ADGRL3: variants seen among roughly 807,000 people sequenced by gnomAD.
ADGRL3 encodes adhesion G protein-coupled receptor L3.
Under a neutral mutation model 153.5 loss-of-function variants are expected in ADGRL3, and 62 were observed. That is an observed-to-expected ratio of 0.40 (90% CI 0.33 to 0.50). The LOEUF is 0.50. Among genes scored for constraint, ADGRL3 ranks in the 20% least tolerant of loss-of-function variants. The pLI, the probability that ADGRL3 is intolerant of heterozygous loss-of-function variation, is 0.47. For missense variants in ADGRL3, 1,641 were observed against 1,859.4 expected (o/e 0.88, Z 2.16); for synonymous variants, 710 against 672.5 (o/e 1.06, Z -0.86).
intron 9 of ADGRL3, among the ~76,000 whole-genome samples, chr4:61,839,461 G>A (rs145758518): frequency 1.6e-3 from 245 of 152,132 alleles, no homozygotes; most frequent in African/African-American, 5.5e-3. Flanking sequence ...CTCCCAAAGT[G>A]CTAGAATTTC....
intron 1 of ADGRL3, among the ~76,000 whole-genome samples, chr4:61,260,095 A>G (rs1464235552): frequency 6.6e-6 from 1 of 152,200 alleles, no homozygotes; most frequent in Non-Finnish European, 1.5e-5. Context: ...AATACCATTC[A>G]AGGTCAGAGT....
Position 61,372,763 on chromosome 4 carries a change from C to T in ADGRL3, c.-239-10361C>T, listed in dbSNP as rs10029515. Among the ~76,000 whole-genome samples the T allele has an allele frequency of 3.3e-3, 499 of 150,926 alleles. 5 individuals carry two copies. The highest frequency in any genetic ancestry group is 0.011 in the African/African-American group (442 of 41,164). ...GAGCTGTGGTGGGCTCCACCCAGTT[C>T]GAGCTTCCCGGCTGCTTTGTTTACC... On this transcript the variant is annotated intron_variant, in intron 1 of 26. Transcript: ENST00000683033.
chr4:61,452,745 G>T (rs1056498703), intron 2 of ADGRL3, among the ~76,000 whole-genome samples: 1 of 152,096 alleles, frequency 6.6e-6, no homozygotes, highest in African/African-American at 2.4e-5. Flanking sequence ...TGGAGCATTT[G>T]TGATATATAA....
chr4:61,588,706 C>T (rs764037288), intron 5 of ADGRL3, among the ~76,000 whole-genome samples: 27 of 151,940 alleles, frequency 1.8e-4, no homozygotes, highest in Non-Finnish European at 2.8e-4. Flanking sequence ...ATTATCGTTA[C>T]GTATTTGACA....
rs920790525 is a variant in ADGRL3, at chr4:61,653,178, A to T, written c.474-23648A>T. Among the ~76,000 whole-genome samples the T allele has an allele frequency of 6.1e-4, 88 of 144,076 alleles. 2 individuals carry two copies. Among genetic ancestry groups the T allele is most frequent in the African/African-American group, 2.2e-3 (77 of 34,994 alleles). 94.5% of individuals were successfully genotyped at this position (144,076 alleles called of 152,430 possible). A position where few individuals can be genotyped will look rare whatever the true frequency, so the allele number is the denominator to read the frequency against. On this transcript the variant is annotated intron_variant, in intron 5 of 26. Coordinates refer to ENST00000683033, the MANE Select transcript of ADGRL3 (RefSeq NM_001387552.1). ...CTCTCTCTCTCTCTCTCTCACACAC[A>T]CACACACACACACACACACACACAC...
rs928357693 is a variant in ADGRL3, at chr4:61,234,996, T to C, written c.-240+33231T>C. 1.2e-4 allele frequency among the ~76,000 whole-genome samples: 19 copies of C among 152,192 alleles called. 1 individual carries two copies. The highest frequency in any genetic ancestry group is 6.8e-3 in the Middle Eastern group (2 of 294). ...ATGAAGTTAGCCAGAAGTGAAAACA[T>C]GAGGAAAACAAGAAAACCAACCAAA... On this transcript the variant is annotated intron_variant, in intron 1 of 26. Transcript: ENST00000683033.
chr4:61,364,062 C>A (rs986157659), intron 1 of ADGRL3, among the ~76,000 whole-genome samples: 16 of 151,802 alleles, frequency 1.1e-4, no homozygotes, highest in African/African-American at 1.2e-4. Flanking sequence ...ATGAAATAGG[C>A]TGGGCGCAGC....
At chr4:61,910,808 G>C (rs1483019685) in intron 12 of ADGRL3, among the ~76,000 whole-genome samples, 4 of 151,094 alleles carry the variant, frequency 2.6e-5, no homozygotes, top group Non-Finnish European at 5.9e-5. Flanking sequence ...ACTAGGGTAA[G>C]AATTTCAGTC....
chr4:61,436,748 G>A (rs2097451372), intron 2 of ADGRL3, among the ~76,000 whole-genome samples: 3 of 151,980 alleles, frequency 2.0e-5, no homozygotes, highest in Admixed American at 2.0e-4. Flanking sequence ...AAATGTTGAG[G>A]CCAATTTCCT....
chr4:61,820,626 G>C (rs763760774), intron 9 of ADGRL3, among the ~76,000 whole-genome samples: 4 of 152,074 alleles, frequency 2.6e-5, no homozygotes, highest in South Asian at 2.1e-4. Context: ...TTATAATTTT[G>C]TAGTTAATTT....
chr4:61,626,357 A>T (rs147607482), intron 5 of ADGRL3, among the ~76,000 whole-genome samples: 1 of 152,032 alleles, frequency 6.6e-6, no homozygotes, highest in Admixed American at 6.6e-5. Context: ...CGCAAAATTT[A>T]GGTAAGAACC....
chr4:61,351,524 TC>T (rs1322463012), intron 1 of ADGRL3, among the ~76,000 whole-genome samples: 1 of 152,164 alleles, frequency 6.6e-6, no homozygotes, highest in Non-Finnish European at 1.5e-5. Context: ...GTGCCTGGCT[TC>T]AAAGCTTCAG....
intron 8 of ADGRL3, chr4:61,775,402 TTGTGTGTG>T (rs61671331): frequency 4.0e-4 from 180 of 453,968 alleles, no homozygotes; most frequent in African/African-American, 2.6e-3. Context: ...TTTTCTTTCT[TTGTGTGTG>T]TGTGTGTGTG....
rs182071470 is a variant in ADGRL3, at chr4:61,281,024, T to C, written c.-240+79259T>C. ...AATATTATGCATCAAAATGTTATGCTTCAAGTAATTTCTGGTATTTATCAT... is the reference window on the plus strand; with the variant it reads ...AATATTATGCATCAAAATGTTATGCCTCAAGTAATTTCTGGTATTTATCAT... On this transcript the variant is annotated intron_variant, in intron 1 of 26. Transcript: ENST00000683033. 2.2e-3 allele frequency among the ~76,000 whole-genome samples: 329 copies of C among 152,182 alleles called. 3 individuals carry two copies. The highest frequency in any genetic ancestry group is 7.5e-3 in the African/African-American group (310 of 41,536).
chr4:61,372,616 C>T (rs1179703772), intron 1 of ADGRL3, among the ~76,000 whole-genome samples: 1 of 152,172 alleles, frequency 6.6e-6, no homozygotes, highest in Non-Finnish European at 1.5e-5. Flanking sequence ...GCTGGGAGAA[C>T]CACTGCTCTC....
intron 1 of ADGRL3, among the ~76,000 whole-genome samples, chr4:61,366,529 C>A (rs181267589): frequency 6.6e-6 from 1 of 152,330 alleles, no homozygotes; most frequent in Admixed American, 6.5e-5. Flanking sequence ...ATTTTGCCTT[C>A]ATCACTTAGT....
At chr4:61,383,989 T>G (rs1207090258) in intron 2 of ADGRL3, among the ~76,000 whole-genome samples, 6 of 151,854 alleles carry the variant, frequency 4.0e-5, no homozygotes, top group South Asian at 2.1e-4. Flanking sequence ...ATATCAACTT[T>G]CTTATTGGTC....
chr4:61,462,360 G>A (rs2097831713), intron 2 of ADGRL3, among the ~76,000 whole-genome samples: 1 of 152,090 alleles, frequency 6.6e-6, no homozygotes, highest in Non-Finnish European at 1.5e-5. Flanking sequence ...AGAACTTTAG[G>A]TGAGGGGGCT....
At chr4:61,528,760 G>T (rs2098593643) in intron 4 of ADGRL3, among the ~76,000 whole-genome samples, 1 of 152,074 alleles carries the variant, frequency 6.6e-6, no homozygotes, top group Non-Finnish European at 1.5e-5. Context: ...TTTGTTTTAT[G>T]CCATGCTGCA....
Sources: allele counts gnomAD v4.1 joint callset (sites outside exome capture counted in the v4.1 genomes callset), GRCh38; gene constraint gnomAD v4.1.1; transcripts MANE v1.5; gene names NCBI Gene and HGNC (gene_info 2026-07-23, HGNC 2026-07-21).